AAK1: variants seen among roughly 807,000 people sequenced by gnomAD.
The protein encoded by AAK1 is AP2 associated kinase 1, also known as AP2-associated protein kinase 1.
In AAK1, 37 loss-of-function variants were observed where a neutral mutation model predicts 116.0. The ratio of observed to expected loss-of-function variants is 0.32; its 90% CI spans 0.25 to 0.42. The LOEUF (loss-of-function observed/expected upper bound fraction) is 0.42. Among genes scored for constraint, AAK1 ranks in the 10% least tolerant of loss-of-function variants. The pLI is 1.00. For missense variants in AAK1, 919 were observed against 1,170.6 expected, an observed-to-expected ratio of 0.79 and a Z score of 3.14; for synonymous variants, 458 against 439.9, an observed-to-expected ratio of 1.04 and a Z score of -0.51.
In AAK1 at chr2:69,546,513, C is replaced by T. The variant is rs567980364; in HGVS notation, c.283-1969G>A. 1.1e-4 allele frequency among the ~76,000 whole-genome samples: 17 copies of T among 152,242 alleles called. No individual in the cohort carries two copies. The East Asian group carries it at 3.1e-3, about 28-fold the overall frequency. ...TTGAAACCAAAATAAGGATCATATC[C>T]TCCAAATATTCAAAGATGAATGAAA... On this transcript the variant is annotated intron_variant, in intron 3 of 21. Coordinates refer to ENST00000409085, the MANE Select transcript of AAK1 (RefSeq NM_014911.5).
At chr2:69,480,038 A>G (rs541264609) in intron 19 of AAK1, among the ~76,000 whole-genome samples, 1 of 152,280 alleles carries the variant, frequency 6.6e-6, no homozygotes, top group South Asian at 2.1e-4. Context: ...TACAGGTGTG[A>G]GCCAAGGCAC....
At chr2:69,584,986 C>T (rs1672701917) in intron 2 of AAK1, among the ~76,000 whole-genome samples, 1 of 152,228 alleles carries the variant, frequency 6.6e-6, no homozygotes, top group Non-Finnish European at 1.5e-5. Context: ...TCATACCCAT[C>T]TCATATCTGT....
chr2:69,619,842 C>A (rs1047867057), intron 2 of AAK1, among the ~76,000 whole-genome samples: 12 of 152,020 alleles, frequency 7.9e-5, no homozygotes, highest in African/African-American at 2.9e-4. Context: ...GGAAGGAAGC[C>A]AGTATGGATA....
rs542678751 is a variant in AAK1, at chr2:69,467,172, A to C, written c.*8697T>G. 1.3e-5 allele frequency: 13 copies of C among 985,426 alleles called. No homozygotes were observed. In the African/African-American group the frequency reaches 1.4e-4, roughly 11 times the overall value. The allele number at this position is 985,426 out of a possible 1,614,324, so 61.0% of individuals were successfully genotyped here. A position where few individuals can be genotyped will look rare whatever the true frequency, so the allele number is the denominator to read the frequency against. Reference sequence around the variant, plus strand: ...ATACAGCATCAAAATCAGACCAAATAAATCACCTTCAGCTGGAGTTGCCCC... The same window carrying C: ...ATACAGCATCAAAATCAGACCAAATCAATCACCTTCAGCTGGAGTTGCCCC... On this transcript the variant is annotated 3_prime_UTR_variant, in exon 22 of 22. Transcript: ENST00000409085.
At chr2:69,483,819 G>A (rs1198284579) in intron 17 of AAK1, among the ~76,000 whole-genome samples, 1 of 152,076 alleles carries the variant, frequency 6.6e-6, no homozygotes, top group African/African-American at 2.4e-5. Flanking sequence ...ATAAAAGGAC[G>A]CCTGAGCCAC....
intron 16 of AAK1, among the ~76,000 whole-genome samples, chr2:69,500,664 AATATATATATATAT>A (rs34635707): frequency 7.2e-4 from 44 of 60,844 alleles, no homozygotes; most frequent in East Asian, 2.9e-3. Flanking sequence ...AGTCCCTTAA[AATATATATATATAT>A]ATATATATAT....
chr2:69,484,951 C>T lies in AAK1; in HGVS notation c.2366-2139G>A, dbSNP rs192310079. On this transcript the variant is annotated intron_variant, in intron 17 of 21. Coordinates refer to ENST00000409085, the MANE Select transcript of AAK1 (RefSeq NM_014911.5). Reference sequence around the variant, plus strand: ...AAGTTTTTCAGTTGCAGGAAAAAAACCCTCACAGGGCACTAACCAAGTATA... The same window carrying T: ...AAGTTTTTCAGTTGCAGGAAAAAAATCCTCACAGGGCACTAACCAAGTATA... 1.2e-4 allele frequency among the ~76,000 whole-genome samples: 18 copies of T among 151,220 alleles called. 1 individual carries two copies. Among genetic ancestry groups the T allele is most frequent in the Admixed American group, 1.1e-3 (16 of 15,196 alleles).
At chr2:69,494,302 T>C (rs1675654518) in intron 17 of AAK1, among the ~76,000 whole-genome samples, 2 of 152,184 alleles carry the variant, frequency 1.3e-5, no homozygotes, top group African/African-American at 4.8e-5. Context: ...GGCAGCCAGC[T>C]GGCTCTGGTG....
chr2:69,489,853 G>C (rs140142610), intron 17 of AAK1, among the ~76,000 whole-genome samples: 185 of 152,280 alleles, frequency 1.2e-3, no homozygotes, highest in Non-Finnish European at 2.2e-3. Flanking sequence ...GTTCATTTTA[G>C]AGAATTAAAT....
At chr2:69,482,407 T>C (rs1429842478) in intron 18 of AAK1, 3 of 580,070 alleles carry the variant, frequency 5.2e-6, no homozygotes, top group African/African-American at 1.9e-5. Flanking sequence ...TCAGTAAAGG[T>C]AGTCTAGTTA....
At chr2:69,634,771 G>T (rs944537802) in intron 2 of AAK1, among the ~76,000 whole-genome samples, 1 of 152,162 alleles carries the variant, frequency 6.6e-6, no homozygotes, top group African/African-American at 2.4e-5. Context: ...TCACCTTCAT[G>T]GAACCTTGCT....
Position 69,553,396 on chromosome 2 carries a change from T to C in AAK1, c.282+3464A>G, listed in dbSNP as rs944119534. ...TCAGAATTCTGTACTCAAACTATGA[T>C]GTGCGAACATAAAATAAAGATACTT... is the stretch of plus-strand genomic sequence containing the variant. On this transcript the variant is annotated intron_variant, in intron 3 of 21. Transcript: ENST00000409085. Among the ~76,000 whole-genome samples the C allele has an allele frequency of 4.0e-5, 6 of 150,672 alleles. No homozygotes were observed. In the East Asian group the frequency reaches 7.8e-4, roughly 20 times the overall value.
At chr2:69,508,749 C>T (rs542957345) in intron 14 of AAK1, among the ~76,000 whole-genome samples, 41 of 152,176 alleles carry the variant, frequency 2.7e-4, no homozygotes, top group Non-Finnish European at 5.0e-4. Context: ...CAAGGAGGAG[C>T]ATAGCAGTCC....
chr2:69,623,478 A>G (rs1285546486), intron 2 of AAK1, among the ~76,000 whole-genome samples: 1 of 152,110 alleles, frequency 6.6e-6, no homozygotes, highest in East Asian at 1.9e-4. Context: ...CACCCTCCAG[A>G]AATCTAACTC....
chr2:69,634,468 G>C (rs1453345643), intron 2 of AAK1, among the ~76,000 whole-genome samples: 1 of 152,202 alleles, frequency 6.6e-6, no homozygotes, highest in Non-Finnish European at 1.5e-5. Flanking sequence ...TCCTGCCAGT[G>C]AAAGAGGCAG....
intron 8 of AAK1, among the ~76,000 whole-genome samples, chr2:69,528,531 C>T (rs913433639): frequency 1.3e-4 from 20 of 152,230 alleles, no homozygotes; most frequent in African/African-American, 4.3e-4. Flanking sequence ...GCCGAGTACA[C>T]GACTGAACCT....
intron 2 of AAK1, among the ~76,000 whole-genome samples, chr2:69,592,140 T>C (rs188529839): frequency 3.3e-5 from 5 of 152,144 alleles, no homozygotes; most frequent in African/African-American, 9.7e-5. Context: ...GTATCTCCAA[T>C]CTCTAGACTA....
chr2:69,482,865 G>T, intron 17 of AAK1, 53 bp from the exon 18 acceptor site: 1 of 1,118,498 alleles, frequency 8.9e-7, no homozygotes, highest in Non-Finnish European at 1.3e-6. Context: ...AGATATTAAA[G>T]CCAGCGGATC....
intron 6 of AAK1, 127 bp from the exon 7 acceptor site, chr2:69,530,833 T>C: frequency 1.5e-6 from 1 of 672,384 alleles, no homozygotes; most frequent in Non-Finnish European, 2.5e-6. Context: ...GAAGAGAGTA[T>C]GAAATATTAG....
Sources: gnomAD v4.1 joint callset for allele counts (sites outside exome capture counted in the v4.1 genomes callset) on GRCh38, gnomAD v4.1.1 for gene constraint, MANE v1.5 for transcripts, NCBI Gene and HGNC (gene_info 2026-07-23, HGNC 2026-07-21) for gene names.